The following KCNJ6 variants were observed in gnomAD, a reference collection of about 807,000 sequenced individuals.
The protein encoded by KCNJ6 is G protein-activated inward rectifier potassium channel 2.
Under a neutral mutation model 34.2 loss-of-function variants are expected in KCNJ6, and 9 were observed. The observed-to-expected ratio is 0.26, with a 90% CI of 0.16 to 0.46. The LOEUF (loss-of-function observed/expected upper bound fraction) is 0.46. KCNJ6 is among the 20% of genes least tolerant of loss of function. The pLI is 1.00. For missense variants in KCNJ6, 236 were observed against 531.3 expected (o/e 0.44, Z 5.46); for synonymous variants, 196 against 207.1 (o/e 0.95, Z 0.46).
At chr21:37,646,731 T>C (rs55858040) in intron 3 of KCNJ6, among the ~76,000 whole-genome samples, 22,718 of 149,734 alleles carry the variant, frequency 0.15, 2,915 homozygotes, top group African/African-American at 0.35. Flanking sequence ...AGTGCAGTGG[T>C]GCGATCTCGG....
intron 1 of KCNJ6, among the ~76,000 whole-genome samples, chr21:37,851,678 C>CA (rs2055537964): frequency 6.6e-6 from 1 of 151,244 alleles, no homozygotes; most frequent in Non-Finnish European, 1.5e-5. Context: ...TTTATCTCTT[C>CA]TTTTTTTTTC....
intron 2 of KCNJ6, among the ~76,000 whole-genome samples, chr21:37,823,332 A>G (rs971602203): frequency 2.0e-5 from 3 of 152,240 alleles, no homozygotes; most frequent in Non-Finnish European, 4.4e-5. Flanking sequence ...GTGAAGTGAA[A>G]TAAACCAGGT....
intron 3 of KCNJ6, among the ~76,000 whole-genome samples, chr21:37,657,881 G>C (rs1462380278): frequency 6.6e-6 from 1 of 152,236 alleles, no homozygotes; most frequent in Non-Finnish European, 1.5e-5. Flanking sequence ...AGTATTTCAC[G>C]ACGGTGTCTT....
chr21:37,646,678 A>T lies in KCNJ6; in HGVS notation c.947-21194T>A, dbSNP rs956806747. Among the ~76,000 whole-genome samples, 102 of 108,322 alleles carry T rather than the reference A, an allele frequency of 9.4e-4. 1 individual carries two copies. The highest frequency in any genetic ancestry group is 2.9e-3 in the African/African-American group (94 of 32,162). The allele number at this position is 108,322 out of a possible 152,430, so 71.1% of individuals were successfully genotyped here. A position where few individuals can be genotyped will look rare whatever the true frequency, so the allele number is the denominator to read the frequency against. Reference sequence around the variant, plus strand: ...TCAGTTAGTTTTTTAAATTATTTTTATTTTTTTTTTTGAGACGGAGTTGGC... The same window carrying T: ...TCAGTTAGTTTTTTAAATTATTTTTTTTTTTTTTTTTGAGACGGAGTTGGC... On this transcript the variant is annotated intron_variant, in intron 3 of 3. Transcript: ENST00000609713.
At chr21:37,710,770 G>A (rs935163742) in intron 3 of KCNJ6, among the ~76,000 whole-genome samples, 4 of 152,062 alleles carry the variant, frequency 2.6e-5, no homozygotes, top group Non-Finnish European at 5.9e-5. Context: ...TGCTGAGCAC[G>A]TTTGTTTACG....
At chr21:37,828,724 T>G (rs2055410686) in intron 2 of KCNJ6, among the ~76,000 whole-genome samples, 2 of 152,236 alleles carry the variant, frequency 1.3e-5, no homozygotes, top group Admixed American at 6.5e-5. Flanking sequence ...AGTGTTCTGC[T>G]GCTCCCTCTG....
chr21:37,743,522 A>G (rs1476654887), intron 2 of KCNJ6, among the ~76,000 whole-genome samples: 1 of 152,110 alleles, frequency 6.6e-6, no homozygotes, highest in Non-Finnish European at 1.5e-5. Context: ...CCCCTCACGG[A>G]TGGATTAATG....
At chr21:37,909,701 G>A (rs2055858306) in intron 1 of KCNJ6, among the ~76,000 whole-genome samples, 1 of 152,112 alleles carries the variant, frequency 6.6e-6, no homozygotes, top group Non-Finnish European at 1.5e-5. Flanking sequence ...ATTATCACAT[G>A]AATCCTCATA....
At chr21:37,853,849 T>TATATATATATATAC (rs1245467242) in intron 1 of KCNJ6, among the ~76,000 whole-genome samples, 1 of 140,482 alleles carries the variant, frequency 7.1e-6, no homozygotes, top group Non-Finnish European at 1.5e-5. Flanking sequence ...TATATATGTA[T>TATATATATATATAC]ATATATATAT....
chr21:37,884,928 G>A (rs1403236455), intron 1 of KCNJ6, among the ~76,000 whole-genome samples: 1 of 152,198 alleles, frequency 6.6e-6, no homozygotes, highest in African/African-American at 2.4e-5. Context: ...ACCTTCTGCT[G>A]CAGTTTTCTG....
At position 37,612,962 on chromosome 21, in the gene KCNJ6, C is replaced by T. The variant is rs984167714; in HGVS notation, c.*12197G>A. ...AGCTGAACTTCAGTAAAATTAAAAG[C>T]GTCTGCTCTGAAAAAGACAAGGTCA... is the stretch of plus-strand genomic sequence containing the variant. On this transcript the variant is annotated 3_prime_UTR_variant, in exon 4 of 4. Transcript: ENST00000609713. 3.9e-4 allele frequency: 59 copies of T among 152,148 alleles called. No homozygotes were observed. The highest frequency in any genetic ancestry group is 1.3e-3 in the African/African-American group (53 of 41,530). 9.4% of individuals were successfully genotyped at this position (152,148 alleles called of 1,614,324 possible).
At chr21:37,882,070 C>G (rs2123624474) in intron 1 of KCNJ6, among the ~76,000 whole-genome samples, 1 of 152,308 alleles carries the variant, frequency 6.6e-6, no homozygotes, top group East Asian at 1.9e-4. Context: ...AAGGTTGTTA[C>G]AAGTGGGATT....
chr21:37,772,686 C>G (rs1020785315), intron 2 of KCNJ6, among the ~76,000 whole-genome samples: 1 of 152,158 alleles, frequency 6.6e-6, no homozygotes, highest in Admixed American at 6.6e-5. Flanking sequence ...GCTATTTACT[C>G]TCTTTCAACC....
chr21:37,881,120 T>C (rs1326205593), intron 1 of KCNJ6, among the ~76,000 whole-genome samples: 1 of 152,074 alleles, frequency 6.6e-6, no homozygotes, highest in African/African-American at 2.4e-5. Context: ...TTTTCAGGGG[T>C]TCACTAAATA....
chr21:37,781,680 T>G (rs1286170566), intron 2 of KCNJ6, among the ~76,000 whole-genome samples: 2 of 152,314 alleles, frequency 1.3e-5, no homozygotes, highest in East Asian at 3.9e-4. Context: ...TATCCCATTC[T>G]ACAGATGAGA....
At chr21:37,644,942 C>G (rs993699155) in intron 3 of KCNJ6, among the ~76,000 whole-genome samples, 4 of 145,528 alleles carry the variant, frequency 2.7e-5, no homozygotes, top group Non-Finnish European at 3.0e-5. Context: ...CCAAGGTGCC[C>G]TTCTCATGGG....
intron 2 of KCNJ6, among the ~76,000 whole-genome samples, chr21:37,831,323 G>A (rs2055424790): frequency 6.6e-6 from 1 of 152,198 alleles, no homozygotes; most frequent in South Asian, 2.1e-4. Context: ...GCCTAATGGT[G>A]GGACTGAAAT....
chr21:37,662,004 T>C (rs1384175649), intron 3 of KCNJ6, among the ~76,000 whole-genome samples: 2 of 152,190 alleles, frequency 1.3e-5, no homozygotes, highest in Non-Finnish European at 2.9e-5. Context: ...ATTTATGTTT[T>C]GATCATTTGC....
chr21:37,638,695 A>G (rs1266619763), intron 3 of KCNJ6, among the ~76,000 whole-genome samples: 1 of 152,082 alleles, frequency 6.6e-6, no homozygotes, highest in Non-Finnish European at 1.5e-5. Flanking sequence ...CTCTGCCCAA[A>G]TCTGGGGTCC....
Sources: allele counts gnomAD v4.1 joint callset (sites outside exome capture counted in the v4.1 genomes callset), GRCh38; gene constraint gnomAD v4.1.1; transcripts MANE v1.5; gene names NCBI Gene and HGNC (gene_info 2026-07-23, HGNC 2026-07-21).